Variants in SERPINA9 observed in about 807,000 individuals in gnomAD.
The protein encoded by SERPINA9 is serpin family A member 9, also known as serpin A9.
A neutral mutation model predicts 24.5 loss-of-function variants in SERPINA9; 32 were observed. The observed-to-expected ratio is 1.30, with a 90% CI of 0.98 to 1.75. The LOEUF (loss-of-function observed/expected upper bound fraction) is 1.75, where lower values mean the gene tolerates loss of function less well. Ranked by LOEUF, SERPINA9 falls within the 40% of genes most tolerant of loss-of-function variation. The probability of loss-of-function intolerance (pLI) is 0.00; values close to 1 mark genes in which losing one functional copy is unlikely to be tolerated. For missense variants in SERPINA9, 594 were observed against 497.1 expected, an observed-to-expected ratio of 1.19 and a Z score of -1.85; for synonymous variants, 233 against 197.7, an observed-to-expected ratio of 1.18 and a Z score of -1.50.
At chr14:94,475,867 C>T (rs7149989) in intron 1 of SERPINA9, 72,122 of 515,506 alleles carry the variant, frequency 0.14, 5,774 homozygotes, top group African/African-American at 0.22. Context: ...TTCAATACTC[C>T]TCCCCTTGTG....
rs1200907981 is a variant in SERPINA9 at position 94,474,459 on chromosome 14, T to A, written c.-18+1677A>T. 2.6e-5 allele frequency among the ~76,000 whole-genome samples: 4 copies of A among 152,058 alleles called. No homozygotes were observed. In the East Asian group the frequency reaches 7.7e-4, roughly 29 times the overall value. ...CTTTTCACAAGACTTCAGGAAGAGG[T>A]GGTCTCAAAAGGCCCTCTCTTCTGA... On this transcript the variant is annotated intron_variant, in intron 1 of 4. Transcript: ENST00000674397.
chr14:94,474,754 G>A (rs1899500488), intron 1 of SERPINA9, among the ~76,000 whole-genome samples: 2 of 152,052 alleles, frequency 1.3e-5, no homozygotes, highest in Admixed American at 1.3e-4. Context: ...CGTCCCCAGG[G>A]CTTGCCTCTT....
At position 94,467,205 on chromosome 14, in the gene SERPINA9, G is replaced by T; in HGVS notation, c.806C>A (p.Ala269Asp). 1.2e-6 allele frequency: 2 copies of T among 1,614,220 alleles called. No individual in the cohort carries two copies. Among genetic ancestry groups the T allele is most frequent in the Non-Finnish European group, 8.5e-7 (1 of 1,180,038 alleles). The change falls in exon 3 of 5, where the codon GCC (alanine) becomes GAC (aspartate). Residue 269 changes from alanine to aspartate, a missense_variant. Transcript: ENST00000674397. Reference sequence around the variant, plus strand: ...GCCCTTGCTAGGGAGGACAAAGAAGGCCACGGCATCTCCCTTGTAATCCAT... The same window carrying T: ...GCCCTTGCTAGGGAGGACAAAGAAGTCCACGGCATCTCCCTTGTAATCCAT... ...LQMDYKGDAV[A>D]FFVLPSKGKM...
In SERPINA9 at chr14:94,463,131, G is replaced by A; in HGVS notation, c.1216C>T (p.Leu406Phe). Reference protein sequence around the residue: ...MITNKATDGILFLGKVENPTK... With the variant: ...MITNKATDGIFFLGKVENPTK... ...GGATTTTCCACTTTCCCTAGAAAGA[G>A]AATACCGTCTGTGGCTTTATTTGTA... The change falls in exon 5 of 5, where the codon CTC (leucine) becomes TTC (phenylalanine). Residue 406 changes from leucine to phenylalanine, a missense_variant. Physicochemically the swap from Leu to Phe is conservative, Grantham distance 22. Coordinates refer to ENST00000674397, the MANE Select transcript of SERPINA9 (RefSeq NM_175739.4). 1 of 1,614,206 alleles carries A rather than the reference G, an allele frequency of 6.2e-7. No homozygotes were observed. Among genetic ancestry groups the A allele is most frequent in the Non-Finnish European group, 8.5e-7 (1 of 1,180,010 alleles).
intron 1 of SERPINA9, among the ~76,000 whole-genome samples, chr14:94,474,587 C>A (rs1899486667): frequency 6.6e-6 from 1 of 152,206 alleles, no homozygotes; most frequent in African/African-American, 2.4e-5. Context: ...ACACTCCCCA[C>A]TTTGCTTCTC....
At position 94,465,886 on chromosome 14, in the gene SERPINA9, C is replaced by T. The variant is rs766118237; in HGVS notation, c.903-1032G>A. On this transcript the variant is annotated intron_variant, in intron 3 of 4. Coordinates refer to ENST00000674397, the MANE Select transcript of SERPINA9 (RefSeq NM_175739.4). ...CAACAACACTTCCCCCTTTTAAAGA[C>T]GGTAAAGCTTACTTTTAGTGCTTTG... Among the ~76,000 whole-genome samples, 25 of 152,296 alleles carry T rather than the reference C, an allele frequency of 1.6e-4. 1 individual carries two copies. The highest frequency in any genetic ancestry group is 8.3e-4 in the South Asian group (4 of 4,830).
Position 94,469,553 on chromosome 14 carries a change from C to T in SERPINA9, c.288G>A (p.Gln96=). 1 of 1,614,166 alleles carries T rather than the reference C, an allele frequency of 6.2e-7. No homozygotes were observed. The highest frequency in any genetic ancestry group is 1.3e-5 in the African/African-American group (1 of 75,038). The change falls in exon 2 of 5, where the codon CAG becomes CAA. Residue 96 remains glutamine (Q), a synonymous_variant. Transcript: ENST00000674397. The part of the protein sequence containing the change: ...AHSVTKTQIL[Q]GLGFNLTHTP... Reference sequence around the variant, plus strand: ...TGTGTGTGAGGTTGAAGCCCAGGCCCTGGAGAATCTGGGTCTTGGTGACTG... The same window carrying T: ...TGTGTGTGAGGTTGAAGCCCAGGCCTTGGAGAATCTGGGTCTTGGTGACTG...
intron 1 of SERPINA9, 129 bp from the exon 2 acceptor site, chr14:94,469,986 A>C: frequency 2.6e-6 from 2 of 763,914 alleles, no homozygotes; most frequent in Non-Finnish European, 2.0e-6. Context: ...GAGCTCTCTC[A>C]CATAATCTCT....
intron 1 of SERPINA9, among the ~76,000 whole-genome samples, chr14:94,472,247 C>A (rs1270449926): frequency 6.6e-6 from 1 of 152,190 alleles, no homozygotes; most frequent in Non-Finnish European, 1.5e-5. Context: ...CTTCTCTTCC[C>A]ACTCACCTAC....
At chr14:94,464,472 G>A (rs2139796081) in intron 4 of SERPINA9, 1 of 555,826 alleles carries the variant, frequency 1.8e-6, no homozygotes. Flanking sequence ...GCAGGCATGG[G>A]GGAGCACCTG....
chr14:94,475,822 T>C (rs749410125), intron 1 of SERPINA9: 2 of 457,120 alleles, frequency 4.4e-6, no homozygotes, highest in South Asian at 4.2e-5. Flanking sequence ...AAACACTCCT[T>C]TCACCCTCTC....
intron 3 of SERPINA9, among the ~76,000 whole-genome samples, chr14:94,466,872 C>T (rs995064743): frequency 1.3e-5 from 2 of 152,180 alleles, no homozygotes; most frequent in Non-Finnish European, 2.9e-5. Flanking sequence ...AATTCACTTA[C>T]CCCTTGGAGC....
chr14:94,468,524 C>T (rs10137789), intron 2 of SERPINA9, among the ~76,000 whole-genome samples: 40,297 of 152,044 alleles, frequency 0.27, 5,735 homozygotes, highest in East Asian at 0.43. Context: ...CCAGTCAGCA[C>T]AGAGACTGGC....
rs745996886 is a variant in SERPINA9, at chr14:94,463,182, A to G, written c.1165T>C (p.Phe389Leu). Residue 389 changes from phenylalanine (F) to leucine (L), a missense_variant, in exon 5 of 5, where the codon TTC becomes CTC. Coordinates refer to ENST00000674397, the MANE Select transcript of SERPINA9 (RefSeq NM_175739.4). The stretch of plus-strand genomic sequence containing the variant: ...ATCATCATCAGGAAGGTCCTATTGA[A>G]GGAGACAGTGAAGTAAGAGGGGCCA... ...KDGPSYFTVS[F>L]NRTFLMMITN... 6.2e-7 allele frequency: 1 copy of G among 1,614,138 alleles called. No homozygotes were observed. The highest frequency in any genetic ancestry group is 8.5e-7 in the Non-Finnish European group (1 of 1,179,974).
At chr14:94,474,100 G>A (rs1160812026) in intron 1 of SERPINA9, among the ~76,000 whole-genome samples, 1 of 152,208 alleles carries the variant, frequency 6.6e-6, no homozygotes, top group Admixed American at 6.5e-5. Flanking sequence ...AGACCAGGTT[G>A]AAGGAAGAGG....
chr14:94,471,180 A>G (rs1484828360), intron 1 of SERPINA9, among the ~76,000 whole-genome samples: 3 of 147,398 alleles, frequency 2.0e-5, no homozygotes, highest in Non-Finnish European at 3.0e-5. Flanking sequence ...CTCTTTAGTC[A>G]TTTATACTAC....
chr14:94,467,961 A>C (rs945208497), intron 2 of SERPINA9, among the ~76,000 whole-genome samples: 2 of 150,022 alleles, frequency 1.3e-5, no homozygotes, highest in Non-Finnish European at 3.0e-5. Flanking sequence ...GGATGAACTG[A>C]TGGATGGATA....
At chr14:94,475,162 C>T (rs1016513383) in intron 1 of SERPINA9, among the ~76,000 whole-genome samples, 1 of 152,144 alleles carries the variant, frequency 6.6e-6, no homozygotes, top group African/African-American at 2.4e-5. Flanking sequence ...TGGCAAGGCT[C>T]CATGTGTGGT....
chr14:94,468,649 T>C (rs1899136501), intron 2 of SERPINA9, among the ~76,000 whole-genome samples: 1 of 152,206 alleles, frequency 6.6e-6, no homozygotes, highest in African/African-American at 2.4e-5. Context: ...TTAAAGCTGA[T>C]GTGCATTCCC....
Sources: gnomAD v4.1 joint callset for allele counts (sites outside exome capture counted in the v4.1 genomes callset) on GRCh38, gnomAD v4.1.1 for gene constraint, MANE v1.5 for transcripts, NCBI Gene and HGNC (gene_info 2026-07-23, HGNC 2026-07-21) for gene names.